Variants in EIF4G3 observed in about 807,000 individuals in gnomAD.
EIF4G3 encodes eukaryotic translation initiation factor 4 gamma 3, also known as eIF-4-gamma 3.
Under a neutral mutation model 186.4 loss-of-function variants are expected in EIF4G3, and 34 were observed. That is an observed-to-expected ratio of 0.18 (90% CI 0.14 to 0.24). The LOEUF is 0.24. Ranked by LOEUF, EIF4G3 falls within the 10% of genes least tolerant of loss-of-function variation. The probability of loss-of-function intolerance (pLI) is 1.00; values close to 1 mark genes in which losing one functional copy is unlikely to be tolerated. For synonymous variants in EIF4G3, 673 were observed against 679.5 expected (o/e 0.99, Z 0.15); for missense variants, 1,536 against 1,948.5 (o/e 0.79, Z 3.99).
intron 2 of EIF4G3, among the ~76,000 whole-genome samples, chr1:21,110,872 G>C (rs1042460260): frequency 1.3e-5 from 2 of 152,182 alleles, no homozygotes; most frequent in African/African-American, 4.8e-5. Context: ...CAGACCCAGA[G>C]TAACTTTTTG....
chr1:20,836,047 A>G (rs918865282), intron 30 of EIF4G3, among the ~76,000 whole-genome samples: 1 of 152,146 alleles, frequency 6.6e-6, no homozygotes, highest in Non-Finnish European at 1.5e-5. Context: ...TGAAGTGGAG[A>G]AAATACTTCC....
At position 20,862,196 on chromosome 1, in the gene EIF4G3, G is replaced by A. The variant is rs1252603846; in HGVS notation, c.3111+32C>T. The A allele has an allele frequency of 4.6e-6, 6 of 1,305,928 alleles. No individual in the cohort carries two copies. The African/African-American group carries it at 7.4e-5, about 16-fold the overall frequency. 80.9% of individuals were successfully genotyped at this position (1,305,928 alleles called of 1,614,324 possible). ...CAATTCCTTTAAAGAGACTGGACCAGCAGGCTTATTATTATTTTTTTTCCC... is the reference window on the plus strand; with the variant it reads ...CAATTCCTTTAAAGAGACTGGACCAACAGGCTTATTATTATTTTTTTTCCC... On this transcript the variant is annotated intron_variant, in intron 23 of 36. Transcript: ENST00000602326.
At position 21,093,201 on chromosome 1, in the gene EIF4G3, T is replaced by C. The variant is rs187976465; in HGVS notation, c.-271-3988A>G. On this transcript the variant is annotated intron_variant, in intron 2 of 36. Coordinates refer to ENST00000602326, the MANE Select transcript of EIF4G3 (RefSeq NM_001391906.1). ...GAAGAAAAATTTTGCAATCTACTCA[T>C]CTGACAAAGGGCTAATATCCAGAAT... Among the ~76,000 whole-genome samples, 4 of 152,258 alleles carry C rather than the reference T, an allele frequency of 2.6e-5. No individual in the cohort carries two copies. The East Asian group carries it at 7.7e-4, about 29-fold the overall frequency.
intron 2 of EIF4G3, among the ~76,000 whole-genome samples, chr1:21,094,795 A>AATAATAATG: frequency 7.0e-6 from 1 of 143,678 alleles, no homozygotes; most frequent in South Asian, 2.1e-4. Context: ...TAATAATAAT[A>AATAATAATG]ATAATAATAA....
Position 21,063,733 on chromosome 1 carries a change from G to A in EIF4G3, c.-195-12739C>T, listed in dbSNP as rs775376629. The stretch of plus-strand genomic sequence containing the variant: ...GGGGGGGGGTGTTGGGGGGGGGGAC[G>A]CAGTCTCACTCTGTTGCCCAGACTG... On this transcript the variant is annotated intron_variant, in intron 3 of 36. Coordinates refer to ENST00000602326, the MANE Select transcript of EIF4G3 (RefSeq NM_001391906.1). Among the ~76,000 whole-genome samples, 128 of 135,260 alleles carry A rather than the reference G, an allele frequency of 9.5e-4. 1 individual carries two copies. The highest frequency in any genetic ancestry group is 2.1e-3 in the Admixed American group (28 of 13,064). The allele number at this position is 135,260 out of a possible 152,430, so 88.7% of individuals were successfully genotyped here.
intron 12 of EIF4G3, among the ~76,000 whole-genome samples, chr1:20,967,284 T>C (rs896032379): frequency 6.6e-6 from 1 of 152,248 alleles, no homozygotes; most frequent in African/African-American, 2.4e-5. Flanking sequence ...CTATCCTTTA[T>C]CTGGCTTGAC....
At chr1:21,083,961 C>T (rs913424002) in intron 3 of EIF4G3, among the ~76,000 whole-genome samples, 3 of 152,126 alleles carry the variant, frequency 2.0e-5, no homozygotes, top group African/African-American at 7.2e-5. Flanking sequence ...TTTTCTCTCA[C>T]ATCCCACATC....
chr1:20,896,534 CAA>C (rs928860914), intron 16 of EIF4G3, among the ~76,000 whole-genome samples: 3 of 150,790 alleles, frequency 2.0e-5, no homozygotes, highest in African/African-American at 7.3e-5. Flanking sequence ...TTATAAAAGT[CAA>C]AAAGTTAAAA....
Position 21,053,045 on chromosome 1 carries a change from G to A in EIF4G3, c.-195-2051C>T, listed in dbSNP as rs761541508. 8.3e-3 allele frequency among the ~76,000 whole-genome samples: 1,225 copies of A among 147,078 alleles called. 6 individuals carry two copies. Among genetic ancestry groups the A allele is most frequent in the Non-Finnish European group, 0.013 (836 of 66,662 alleles). ...GAGCGTCTCTGCCTGGCCGCCCATC[G>A]TCTGGGATGTGAGGAGCCTCTCTGC... On this transcript the variant is annotated intron_variant, in intron 3 of 36. Transcript: ENST00000602326.
chr1:21,126,987 T>TTTG (rs1032915614), intron 2 of EIF4G3, among the ~76,000 whole-genome samples: 4 of 152,230 alleles, frequency 2.6e-5, no homozygotes, highest in Middle Eastern at 3.4e-3. Context: ...TGTTGGTGTT[T>TTTG]TTGTTGTTGT....
At chr1:20,861,379 T>G (rs2076283965) in intron 23 of EIF4G3, among the ~76,000 whole-genome samples, 1 of 149,980 alleles carries the variant, frequency 6.7e-6, no homozygotes, top group South Asian at 2.1e-4. Context: ...GTAAGAGAAA[T>G]GAGAAAAACA....
intron 2 of EIF4G3, among the ~76,000 whole-genome samples, chr1:21,096,685 C>T (rs775885670): frequency 1.3e-5 from 2 of 152,154 alleles, no homozygotes; most frequent in Non-Finnish European, 2.9e-5. Context: ...AATAGGTGAG[C>T]TACATACATT....
chr1:20,971,282 C>A (rs529520961), intron 11 of EIF4G3, among the ~76,000 whole-genome samples: 2 of 152,150 alleles, frequency 1.3e-5, no homozygotes, highest in African/African-American at 4.8e-5. Context: ...TGGATCTGGA[C>A]GCTTTTAGGG....
intron 4 of EIF4G3, among the ~76,000 whole-genome samples, chr1:21,050,564 C>T (rs1167851668): frequency 2.0e-5 from 3 of 152,188 alleles, no homozygotes; most frequent in Non-Finnish European, 4.4e-5. Flanking sequence ...CATCGAAAAG[C>T]AAATCAGTGC....
intron 14 of EIF4G3, among the ~76,000 whole-genome samples, chr1:20,926,427 C>A (rs951566778): frequency 3.3e-5 from 5 of 152,108 alleles, no homozygotes; most frequent in African/African-American, 1.2e-4. Flanking sequence ...TGCCTGTAAC[C>A]CCAGCACTTT....
intron 4 of EIF4G3, among the ~76,000 whole-genome samples, chr1:21,047,025 C>A (rs1326630579): frequency 6.6e-6 from 1 of 152,144 alleles, no homozygotes; most frequent in Non-Finnish European, 1.5e-5. Flanking sequence ...TCTTACAGGG[C>A]AGTAGAATTC....
chr1:21,168,405 A>AT (rs200744373), intron 2 of EIF4G3, among the ~76,000 whole-genome samples: 94 of 147,622 alleles, frequency 6.4e-4, no homozygotes, highest in South Asian at 6.2e-3. Flanking sequence ...CTCCGTCTCA[A>AT]TTTTTTAAAA....
chr1:20,845,492 T>C (rs191698286), intron 29 of EIF4G3, among the ~76,000 whole-genome samples: 11 of 152,034 alleles, frequency 7.2e-5, no homozygotes, highest in East Asian at 3.9e-4. Context: ...GAAACCCCGT[T>C]TCTACTAAAA....
chr1:21,135,074 C>T (rs1234862874), intron 2 of EIF4G3, among the ~76,000 whole-genome samples: 1 of 152,170 alleles, frequency 6.6e-6, no homozygotes. Context: ...CCACCACATA[C>T]ACTAAATTTA....
Sources: gnomAD v4.1 joint callset for allele counts (sites outside exome capture counted in the v4.1 genomes callset) on GRCh38, gnomAD v4.1.1 for gene constraint, MANE v1.5 for transcripts, NCBI Gene and HGNC (gene_info 2026-07-23, HGNC 2026-07-21) for gene names.